Variants in FRMD3 observed in about 807,000 individuals in gnomAD.
FRMD3 encodes FERM domain containing 3, also known as FERM domain-containing protein 3.
FRMD3 carries 33 observed loss-of-function variants against 70.2 expected under a neutral mutation model. The ratio of observed to expected loss-of-function variants is 0.47; its 90% CI spans 0.36 to 0.63. The LOEUF (loss-of-function observed/expected upper bound fraction) is 0.63, where lower values mean the gene tolerates loss of function less well. Ranked by LOEUF, FRMD3 falls within the 20% of genes least tolerant of loss-of-function variation. FRMD3 has a pLI of 0.00. For synonymous variants in FRMD3, 279 were observed against 255.9 expected (o/e 1.09, Z -0.86); for missense variants, 632 against 711.4 (o/e 0.89, Z 1.27).
At chr9:83,339,196 G>A (rs143731066) in intron 5 of FRMD3, among the ~76,000 whole-genome samples, 469 of 152,298 alleles carry the variant, frequency 3.1e-3, no homozygotes, top group African/African-American at 0.011. Context: ...TGTGAAGACT[G>A]CACCGGATTG....
At chr9:83,408,496 G>A (rs1826190301) in intron 1 of FRMD3, among the ~76,000 whole-genome samples, 3 of 152,202 alleles carry the variant, frequency 2.0e-5, no homozygotes, top group Admixed American at 6.5e-5. Context: ...TTGGCACCCA[G>A]TGAGACTCCA....
chr9:83,352,107 A>G (rs1162840859), intron 3 of FRMD3, among the ~76,000 whole-genome samples: 1 of 152,066 alleles, frequency 6.6e-6, no homozygotes, highest in South Asian at 2.1e-4. Context: ...TTCCCTTTTA[A>G]TTGTCATTTA....
intron 1 of FRMD3, among the ~76,000 whole-genome samples, chr9:83,515,042 C>A (rs1232137229): frequency 1.3e-5 from 2 of 152,152 alleles, no homozygotes; most frequent in Non-Finnish European, 2.9e-5. Context: ...GTTCCAAAAA[C>A]CAGAATATCT....
intron 1 of FRMD3, among the ~76,000 whole-genome samples, chr9:83,390,237 G>C (rs1825630383): frequency 1.3e-5 from 2 of 152,202 alleles, no homozygotes; most frequent in African/African-American, 2.4e-5. Context: ...AGCAGGACAG[G>C]ATTTGAGCCA....
At chr9:83,482,110 A>G (rs760816144) in intron 1 of FRMD3, among the ~76,000 whole-genome samples, 12 of 152,198 alleles carry the variant, frequency 7.9e-5, no homozygotes, top group Non-Finnish European at 1.6e-4. Context: ...TGCTGTCTCC[A>G]CGATTACTTG....
chr9:83,488,983 T>TGTGTGTGTGTGTGTGG, intron 1 of FRMD3, among the ~76,000 whole-genome samples: 1 of 94,488 alleles, frequency 1.1e-5, no homozygotes, highest in Non-Finnish European at 2.2e-5. Context: ...TGTGTGTGTG[T>TGTGTGTGTGTGTGTGG]GTGTGTGTGT....
chr9:83,243,527 CAGTG>C (rs1014579510), downstream of FRMD3, among the ~76,000 whole-genome samples: 2 of 152,182 alleles, frequency 1.3e-5, no homozygotes, highest in African/African-American at 4.8e-5. Context: ...ATGAACTGCT[CAGTG>C]AGTAAGTGGC....
At chr9:83,404,927 G>C (rs1826056715) in intron 1 of FRMD3, among the ~76,000 whole-genome samples, 1 of 152,228 alleles carries the variant, frequency 6.6e-6, no homozygotes, top group Non-Finnish European at 1.5e-5. Flanking sequence ...TTTACTCTCT[G>C]AAGGGACACA....
chr9:83,299,756 C>A (rs1460106617), intron 10 of FRMD3, among the ~76,000 whole-genome samples: 2 of 152,188 alleles, frequency 1.3e-5, no homozygotes, highest in African/African-American at 2.4e-5. Flanking sequence ...GACCCAGTGC[C>A]CTTTAAAAGA....
chr9:83,364,183 A>G (rs1824713907), intron 3 of FRMD3, among the ~76,000 whole-genome samples: 1 of 152,096 alleles, frequency 6.6e-6, no homozygotes, highest in African/African-American at 2.4e-5. Flanking sequence ...ACTACTCGTT[A>G]TATGTTTGGC....
At chr9:83,520,970 C>CAAAAAAAAAAAAAAAAAAAA (rs144061788) in intron 1 of FRMD3, among the ~76,000 whole-genome samples, 1 of 56,126 alleles carries the variant, frequency 1.8e-5, no homozygotes, top group Non-Finnish European at 3.4e-5. Context: ...ACTAAAAATA[C>CAAAAAAAAAAAAAAAAAAAA]AAAAAAAAAA....
intron 1 of FRMD3, among the ~76,000 whole-genome samples, chr9:83,441,909 C>T (rs55723059): frequency 0.029 from 4,401 of 152,290 alleles, 80 homozygotes; most frequent in Non-Finnish European, 0.04. Context: ...GCACCAGCAT[C>T]CATTTCTTTA....
At chr9:83,415,957 G>A (rs7039266) in intron 1 of FRMD3, among the ~76,000 whole-genome samples, 87,170 of 151,974 alleles carry the variant, frequency 0.57, 26,182 homozygotes, top group African/African-American at 0.77. Context: ...AGTAAATGAT[G>A]TGGCTTCTTC....
intron 1 of FRMD3, among the ~76,000 whole-genome samples, chr9:83,415,070 C>T (rs1826392154): frequency 6.6e-6 from 1 of 152,178 alleles, no homozygotes; most frequent in South Asian, 2.1e-4. Context: ...GAGGGTCAGG[C>T]AGAGAAGCTA....
At chr9:83,571,065 T>C in the FRMD3 span, among the ~76,000 whole-genome samples, 7 of 152,186 alleles carry the variant, frequency 4.6e-5, no homozygotes, top group Admixed American at 1.3e-4. Context: ...CTTTGAGTCA[T>C]TGAGGCTGGG....
At chr9:83,251,517 A>G (rs1053995442) in intron 13 of FRMD3, among the ~76,000 whole-genome samples, 1 of 152,224 alleles carries the variant, frequency 6.6e-6, no homozygotes, top group Non-Finnish European at 1.5e-5. Flanking sequence ...TAAGGCTGAG[A>G]TGGATGAATT....
chr9:83,456,517 A>G (rs1827821759), intron 1 of FRMD3, among the ~76,000 whole-genome samples: 1 of 152,210 alleles, frequency 6.6e-6, no homozygotes, highest in Non-Finnish European at 1.5e-5. Context: ...TTTAACTCCC[A>G]CCAGACATTT....
chr9:83,547,196 A>C, the FRMD3 span, among the ~76,000 whole-genome samples: 1 of 149,568 alleles, frequency 6.7e-6, no homozygotes, highest in Non-Finnish European at 1.5e-5. Flanking sequence ...AAAAAGACAA[A>C]GAAGGTCATT....
intron 13 of FRMD3, among the ~76,000 whole-genome samples, chr9:83,286,072 C>A (rs994965052): frequency 1.3e-5 from 2 of 152,146 alleles, no homozygotes; most frequent in African/African-American, 4.8e-5. Context: ...ACACGTTTTC[C>A]CAGAACACCA....
Sources: gnomAD v4.1 joint callset for allele counts (sites outside exome capture counted in the v4.1 genomes callset) on GRCh38, gnomAD v4.1.1 for gene constraint, MANE v1.5 for transcripts, NCBI Gene and HGNC (gene_info 2026-07-23, HGNC 2026-07-21) for gene names.